The following NEU4 variants were observed in gnomAD, a reference collection of about 807,000 sequenced individuals.
The protein encoded by NEU4 is sialidase-4.
A neutral mutation model predicts 9.9 loss-of-function variants in NEU4; 7 were observed. The observed-to-expected ratio is 0.71, with a 90% CI of 0.40 to 1.33. The LOEUF (loss-of-function observed/expected upper bound fraction) is 1.33, where lower values mean the gene tolerates loss of function less well. Ranked by LOEUF, NEU4 falls within the 40% of genes most tolerant of loss-of-function variation. The probability of loss-of-function intolerance (pLI) is 0.01; values close to 1 mark genes in which losing one functional copy is unlikely to be tolerated. For missense variants in NEU4, 717 were observed against 712.6 expected, an observed-to-expected ratio of 1.01 and a Z score of -0.07; for synonymous variants, 348 against 316.9, an observed-to-expected ratio of 1.10 and a Z score of -1.04.
At chr2:241,811,236 G>A in intron 1 of NEU4, 1 of 1,250,354 alleles carries the variant, frequency 8.0e-7, no homozygotes, top group Non-Finnish European at 1.0e-6. Context: ...GGGAGCCTGT[G>A]CTGGTCCCGG....
At chr2:241,812,560 G>GA (rs11272205) in intron 1 of NEU4, among the ~76,000 whole-genome samples, 991 of 79,028 alleles carry the variant, frequency 0.013, 11 homozygotes, top group East Asian at 0.094. Flanking sequence ...GGAACCCAGG[G>GA]CCTGGCCACA....
intron 1 of NEU4, chr2:241,811,587 C>T: frequency 1.3e-6 from 1 of 774,554 alleles, no homozygotes. Context: ...TGGACGAGTC[C>T]CACTCCTTGC....
At position 241,816,119 on chromosome 2, in the gene NEU4, G is replaced by C. The variant is rs771497956; in HGVS notation, c.526G>C (p.Ala176Pro). 5.0e-6 allele frequency: 8 copies of C among 1,611,444 alleles called. No homozygotes were observed. The highest frequency in any genetic ancestry group is 6.8e-6 in the Non-Finnish European group (8 of 1,179,570). ...GCCCTCAGGCCGCCTGCTGGTACCC[G>C]CCTACACCTACCGCGTGGACCGCCG... is the stretch of plus-strand genomic sequence containing the variant. Reference protein sequence around the residue: ...QLPSGRLLVPAYTYRVDRREC... With the variant: ...QLPSGRLLVPPYTYRVDRREC... The change falls in exon 4 of 4, where the codon GCC becomes CCC. Residue 176 changes from alanine to proline, a missense_variant. By Grantham distance (27) the Ala-to-Pro change is conservative (BLOSUM62 -1). Coordinates refer to ENST00000407683, the MANE Select transcript of NEU4 (RefSeq NM_001167600.3).
At chr2:241,813,763 G>A (rs1477434738) in intron 1 of NEU4, 3 of 327,154 alleles carry the variant, frequency 9.2e-6, no homozygotes, top group African/African-American at 4.5e-5. Flanking sequence ...CCAAGCACCT[G>A]TCCCCTGCAG....
chr2:241,813,682 C>T (rs1293440134), intron 1 of NEU4: 1 of 524,820 alleles, frequency 1.9e-6, no homozygotes, highest in Non-Finnish European at 3.5e-6. Context: ...CAGGGCCCTG[C>T]AGGTGGGAAG....
rs188210730 is a variant in NEU4 at position 241,817,322 on chromosome 2, G to A, written c.*274G>A. 3.9e-5 allele frequency: 18 copies of A among 461,020 alleles called. No individual in the cohort carries two copies. Among genetic ancestry groups the A allele is most frequent in the Middle Eastern group, 5.5e-4 (1 of 1,824 alleles). 28.6% of individuals were successfully genotyped at this position (461,020 alleles called of 1,614,324 possible). ...CTTCCGAGGCTGCAGGGCCAGGCGCGGGACCGCAGGTAGCCCAGGGTGTTG... is the reference window on the plus strand; with the variant it reads ...CTTCCGAGGCTGCAGGGCCAGGCGCAGGACCGCAGGTAGCCCAGGGTGTTG... On this transcript the variant is annotated 3_prime_UTR_variant, in exon 4 of 4. Coordinates refer to ENST00000407683, the MANE Select transcript of NEU4 (RefSeq NM_001167600.3).
chr2:241,809,557 C>G (rs1424734647), intron 1 of NEU4: 2 of 333,490 alleles, frequency 6.0e-6, no homozygotes, highest in Non-Finnish European at 1.2e-5. Flanking sequence ...CCCCGGGTGG[C>G]TTTCACCCCA....
rs543268805 is a variant in NEU4, at chr2:241,815,979, C to T, written c.458-72C>T. On this transcript the variant is annotated intron_variant, in intron 3 of 3. Transcript: ENST00000407683. ...GCACCAGCCCCTCCTTCCCCGTCCC[C>T]CTGTGCCTTCCTCCAGCCCCCCGAC... 110 of 1,432,334 alleles carry T rather than the reference C, an allele frequency of 7.7e-5. No individual in the cohort carries two copies. The African/African-American group carries it at 1.3e-3, about 17-fold the overall frequency. The allele number at this position is 1,432,334 out of a possible 1,614,324, so 88.7% of individuals were successfully genotyped here.
chr2:241,812,823 G>C (rs1700173753), intron 1 of NEU4, among the ~76,000 whole-genome samples: 1 of 152,162 alleles, frequency 6.6e-6, no homozygotes. Context: ...CCCAGGGGTG[G>C]GCCTGGGCCT....
Position 241,814,972 on chromosome 2 carries a change from CA to C in NEU4, c.283del (p.Thr95ArgfsTer228). ...MNPCPVHDAG[T>X]GTVFLFFIAV... ...ACCCCTGCCCTGTGCACGATGCTGG[CA>C]CGGGCACCGTCTTCCTCTTCTTCAT... On this transcript the variant is annotated frameshift_variant, in exon 3 of 4. Coordinates refer to ENST00000407683, the MANE Select transcript of NEU4 (RefSeq NM_001167600.3). LOFTEE classifies it high-confidence loss of function. The C allele has an allele frequency of 6.2e-7, 1 of 1,610,984 alleles. No individual in the cohort carries two copies.
At chr2:241,814,124 G>T in intron 1 of NEU4, 2 of 594,600 alleles carry the variant, frequency 3.4e-6, no homozygotes, top group Non-Finnish European at 3.3e-6. Flanking sequence ...GGATGACCCT[G>T]TGTCCTGGGC....
Position 241,811,652 on chromosome 2 carries a change from G to A in NEU4, c.-4+2378G>A, listed in dbSNP as rs1049250133. 1.2e-5 allele frequency: 5 copies of A among 425,478 alleles called. No individual in the cohort carries two copies. The Admixed American group carries it at 1.3e-4, about 11-fold the overall frequency. The allele number at this position is 425,478 out of a possible 1,614,324, so 26.4% of individuals were successfully genotyped here. A position where few individuals can be genotyped will look rare whatever the true frequency, so the allele number is the denominator to read the frequency against. ...ACAAGGGGCGGGCTGCAGGGATTCC[G>A]AGGGCCCCTCCAGCAAGAGGTCCCA... On this transcript the variant is annotated intron_variant, in intron 1 of 3. Transcript: ENST00000407683.
rs762643918 is a variant in NEU4, at chr2:241,816,292, C to T, written c.699C>T (p.Ala233=). ...TGGCAGCGGTGGACGGTGGGCAGGCCGGCAGCTTCCTCTACTGCAATGCCC... is the reference window on the plus strand; with the variant it reads ...TGGCAGCGGTGGACGGTGGGCAGGCTGGCAGCTTCCTCTACTGCAATGCCC... ...CQLAAVDGGQ[A]GSFLYCNARS... Residue 233 remains alanine, a synonymous_variant, in exon 4 of 4, where the codon GCC becomes GCT. Transcript: ENST00000407683. The T allele has an allele frequency of 1.6e-5, 26 of 1,576,192 alleles. 1 individual carries two copies. Among genetic ancestry groups the T allele is most frequent in the South Asian group, 1.5e-4 (13 of 86,478 alleles).
In NEU4 at chr2:241,814,670, C is replaced by G. The variant is rs777284867; in HGVS notation, c.186C>G (p.Ala62=). ...HRLVLRRGTL[A]GGSVRWGALH... ...TGGTGCTGAGGAGGGGCACGCTGGC[C>G]GGGGGCTCCGTGCGGGTGAGTGAGT... Residue 62 remains alanine, a synonymous_variant, in exon 2 of 4, where the codon GCC becomes GCG. Coordinates refer to ENST00000407683, the MANE Select transcript of NEU4 (RefSeq NM_001167600.3). The G allele has an allele frequency of 6.4e-7, 1 of 1,556,716 alleles. No homozygotes were observed. Among genetic ancestry groups the G allele is most frequent in the East Asian group, 2.4e-5 (1 of 41,688 alleles).
intron 2 of NEU4, 79 bp downstream of exon 2, chr2:241,814,764 G>C (rs1368227374): frequency 1.3e-6 from 2 of 1,506,024 alleles, no homozygotes; most frequent in East Asian, 4.7e-5. Flanking sequence ...TGGGGCGGGG[G>C]TGGCGGCGGC....
At position 241,817,027 on chromosome 2, in the gene NEU4, G is replaced by A; in HGVS notation, c.1434G>A (p.Arg478=). The A allele has an allele frequency of 1.9e-6, 3 of 1,598,908 alleles. No homozygotes were observed. The highest frequency in any genetic ancestry group is 2.6e-6 in the Non-Finnish European group (3 of 1,173,226). ...PKPPNLGDKP[R]GCCWPS ...CGCCCAACCTTGGGGACAAGCCTCGGGGGTGCTGCTGGCCCTCCTGACAGG... is the reference window on the plus strand; with the variant it reads ...CGCCCAACCTTGGGGACAAGCCTCGAGGGTGCTGCTGGCCCTCCTGACAGG... Residue 478 remains arginine, a synonymous_variant, in exon 4 of 4, where the codon CGG becomes CGA. Transcript: ENST00000407683.
Position 241,813,303 on chromosome 2 carries a change from G to A in NEU4, c.-3-1179G>A, listed in dbSNP as rs895562318. The A allele has an allele frequency of 1.7e-5, 18 of 1,033,702 alleles. No individual in the cohort carries two copies. In the South Asian group the frequency reaches 2.1e-4, roughly 12 times the overall value. 64.0% of individuals were successfully genotyped at this position (1,033,702 alleles called of 1,614,324 possible). On this transcript the variant is annotated intron_variant, in intron 1 of 3. Coordinates refer to ENST00000407683, the MANE Select transcript of NEU4 (RefSeq NM_001167600.3). ...TGGCCAGGCGTGGTGTCCGGCATCCGGCCATCTCCCTCCTCCCTCCTTCCC... is the reference window on the plus strand; with the variant it reads ...TGGCCAGGCGTGGTGTCCGGCATCCAGCCATCTCCCTCCTCCCTCCTTCCC...
At position 241,809,207 on chromosome 2, in the gene NEU4, AATG is replaced by A; in HGVS notation, c.-69_-67del. The A allele has an allele frequency of 1.6e-6, 2 of 1,288,388 alleles. No homozygotes were observed. The highest frequency in any genetic ancestry group is 2.5e-5 in the South Asian group (2 of 81,020). The allele number at this position is 1,288,388 out of a possible 1,614,324, so 79.8% of individuals were successfully genotyped here. A position where few individuals can be genotyped will look rare whatever the true frequency, so the allele number is the denominator to read the frequency against. ...CCCTCAGCTTCACAGTCACCGAAGA[AATG>A]AAGTTACAGGAGGGGCACACCGTCC... On this transcript the variant is annotated 5_prime_UTR_variant, in exon 1 of 4. An upstream start codon of the reference 5' UTR is lost. Transcript: ENST00000407683.
intron 1 of NEU4, chr2:241,811,555 C>T (rs902162435): frequency 2.6e-5 from 30 of 1,163,356 alleles, no homozygotes; most frequent in South Asian, 1.3e-4. Flanking sequence ...TCCAGCTGGC[C>T]GCCCCCTCTG....
Sources: allele counts gnomAD v4.1 joint callset (sites outside exome capture counted in the v4.1 genomes callset), GRCh38; gene constraint gnomAD v4.1.1; transcripts MANE v1.5; gene names NCBI Gene and HGNC (gene_info 2026-07-23, HGNC 2026-07-21).